SLC12A8: variants seen among roughly 807,000 people sequenced by gnomAD.
The protein encoded by SLC12A8 is cation-chloride cotransporter 9.
Under a neutral mutation model 75.6 loss-of-function variants are expected in SLC12A8, and 69 were observed. The ratio of observed to expected loss-of-function variants is 0.91; its 90% CI spans 0.75 to 1.11. The LOEUF (loss-of-function observed/expected upper bound fraction) is 1.11, where lower values mean the gene tolerates loss of function less well. Among genes scored for constraint, SLC12A8 ranks in the 50% most tolerant of loss-of-function variants. The pLI is 0.00. For missense variants in SLC12A8, 877 were observed against 896.7 expected, an observed-to-expected ratio of 0.98 and a Z score of 0.28; for synonymous variants, 365 against 372.8, an observed-to-expected ratio of 0.98 and a Z score of 0.24.
intron 8 of SLC12A8, among the ~76,000 whole-genome samples, chr3:125,112,858 G>A (rs944088226): frequency 3.9e-5 from 6 of 152,230 alleles, no homozygotes; most frequent in East Asian, 3.9e-4. Flanking sequence ...AGACACAGAC[G>A]TGGTTGAGTT....
chr3:125,201,048 C>T (rs1935109998), intron 2 of SLC12A8, among the ~76,000 whole-genome samples: 1 of 152,146 alleles, frequency 6.6e-6, no homozygotes, highest in Admixed American at 6.5e-5. Flanking sequence ...ACCACACTAC[C>T]CTTTTTTCTT....
intron 2 of SLC12A8, among the ~76,000 whole-genome samples, chr3:125,209,904 G>A (rs1251125969): frequency 1.3e-5 from 2 of 152,192 alleles, no homozygotes; most frequent in African/African-American, 2.4e-5. Flanking sequence ...AAAGAACTTA[G>A]GAGAGTATGA....
rs148031296 is a variant in SLC12A8, at chr3:125,205,115, G to T, written c.51+6184C>A. The stretch of plus-strand genomic sequence containing the variant: ...CCAGAGGCCACCCCTATAACCCAGA[G>T]CCCACTAGAATTGTTCAAACTGCCA... On this transcript the variant is annotated intron_variant, in intron 2 of 13. Coordinates refer to ENST00000469902, the MANE Select transcript of SLC12A8 (RefSeq NM_024628.6). Among the ~76,000 whole-genome samples the T allele has an allele frequency of 5.5e-4, 84 of 152,180 alleles. 1 individual carries two copies. The highest frequency in any genetic ancestry group is 5.9e-4 in the Admixed American group (9 of 15,278).
chr3:125,097,528 T>TTGTG (rs147038912), intron 10 of SLC12A8, among the ~76,000 whole-genome samples: 127 of 139,480 alleles, frequency 9.1e-4, no homozygotes, highest in Middle Eastern at 3.6e-3. Context: ...CTAAAGGGAA[T>TTGTG]TGTGTGTGTG....
intron 2 of SLC12A8, among the ~76,000 whole-genome samples, chr3:125,210,629 A>G (rs1019472944): frequency 6.6e-6 from 1 of 152,192 alleles, no homozygotes; most frequent in African/African-American, 2.4e-5. Context: ...AAGGCTGGGA[A>G]ACCCTCCTGC....
At chr3:125,166,304 A>C (rs1579518010) in intron 5 of SLC12A8, among the ~76,000 whole-genome samples, 2 of 128,870 alleles carry the variant, frequency 1.6e-5, no homozygotes, top group South Asian at 2.7e-4. Flanking sequence ...TCTTGGCCTC[A>C]CCCCATACCC....
chr3:125,211,175 C>T, intron 2 of SLC12A8, 124 bp downstream of exon 2: 1 of 816,768 alleles, frequency 1.2e-6, no homozygotes, highest in Admixed American at 1.8e-5. Flanking sequence ...ACTGGATGAC[C>T]AAAATAGACT....
intron 2 of SLC12A8, among the ~76,000 whole-genome samples, chr3:125,192,252 C>G (rs1046478410): frequency 1.3e-5 from 2 of 152,066 alleles, no homozygotes; most frequent in African/African-American, 2.4e-5. Flanking sequence ...ACGGCAGCCC[C>G]GTGAGGCAGG....
At chr3:125,123,004 T>C (rs1184698989) in intron 6 of SLC12A8, among the ~76,000 whole-genome samples, 1 of 152,160 alleles carries the variant, frequency 6.6e-6, no homozygotes, top group Non-Finnish European at 1.5e-5. Flanking sequence ...TCATTAAAAT[T>C]AAAAATGCAA....
intron 12 of SLC12A8, 55 bp downstream of exon 12, chr3:125,091,384 C>T: frequency 8.6e-7 from 1 of 1,160,700 alleles, no homozygotes; most frequent in Admixed American, 1.8e-5. Context: ...TTTTTTTTCC[C>T]AATGAATGGT....
intron 6 of SLC12A8, among the ~76,000 whole-genome samples, chr3:125,122,522 T>C (rs1022660401): frequency 6.6e-6 from 1 of 152,188 alleles, no homozygotes; most frequent in Admixed American, 6.5e-5. Flanking sequence ...CATGAATGTC[T>C]GGAACATAGA....
chr3:125,166,465 G>C (rs765308609), intron 5 of SLC12A8, among the ~76,000 whole-genome samples: 34 of 152,134 alleles, frequency 2.2e-4, no homozygotes, highest in Non-Finnish European at 3.8e-4. Flanking sequence ...TCTAAAATAT[G>C]AACTTGAGTC....
At chr3:125,128,476 G>A (rs1251246213) in intron 6 of SLC12A8, among the ~76,000 whole-genome samples, 1 of 114,374 alleles carries the variant, frequency 8.7e-6, no homozygotes, top group East Asian at 2.4e-4. Context: ...CACCGCGCCC[G>A]GCCTTTTTTT....
At chr3:125,084,094 CAG>C (rs1560045596) in intron 13 of SLC12A8, 42 bp from the exon 14 acceptor site, 1 of 1,564,208 alleles carries the variant, frequency 6.4e-7, no homozygotes, top group Non-Finnish European at 8.8e-7. Context: ...AAGGACAGAA[CAG>C]AGACTGAACA....
chr3:125,095,447 C>T (rs1044737831), intron 10 of SLC12A8, among the ~76,000 whole-genome samples: 30 of 152,278 alleles, frequency 2.0e-4, no homozygotes, highest in African/African-American at 7.2e-4. Context: ...TCCATTGCTC[C>T]CATCCTAGTC....
intron 4 of SLC12A8, among the ~76,000 whole-genome samples, chr3:125,183,081 G>T (rs1035796007): frequency 1.1e-4 from 17 of 152,100 alleles, no homozygotes; most frequent in African/African-American, 4.1e-4. Context: ...TCATCACCCT[G>T]TCTGCCCAGG....
intron 5 of SLC12A8, among the ~76,000 whole-genome samples, chr3:125,169,647 C>A (rs1427508929): frequency 6.6e-6 from 1 of 152,196 alleles, no homozygotes; most frequent in African/African-American, 2.4e-5. Flanking sequence ...CGAACTGATG[C>A]AGCCGGGCAT....
chr3:125,153,204 C>T (rs995313860), intron 5 of SLC12A8, among the ~76,000 whole-genome samples: 8 of 152,206 alleles, frequency 5.3e-5, no homozygotes, highest in Admixed American at 1.3e-4. Flanking sequence ...AAAGTGCAAC[C>T]GAGAGCCAAC....
At chr3:125,088,137 G>GA (rs1938505293) in intron 13 of SLC12A8, 173 bp downstream of exon 13, 1 of 595,318 alleles carries the variant, frequency 1.7e-6, no homozygotes. Flanking sequence ...TCTGGGGGCC[G>GA]AGTGTGGTGG....
Sources: gnomAD v4.1 joint callset for allele counts (sites outside exome capture counted in the v4.1 genomes callset) on GRCh38, gnomAD v4.1.1 for gene constraint, MANE v1.5 for transcripts, NCBI Gene and HGNC (gene_info 2026-07-23, HGNC 2026-07-21) for gene names.